KSR2: variants seen among roughly 807,000 people sequenced by gnomAD.
KSR2 encodes kinase suppressor of ras 2.
A neutral mutation model predicts 107.8 loss-of-function variants in KSR2; 25 were observed. That is an observed-to-expected ratio of 0.23 (90% CI 0.17 to 0.32). The LOEUF is 0.32. KSR2 is among the 10% of genes least tolerant of loss of function. The probability of loss-of-function intolerance (pLI) is 1.00; values close to 1 mark genes in which losing one functional copy is unlikely to be tolerated. For missense variants in KSR2, 887 were observed against 1,268.9 expected, an observed-to-expected ratio of 0.70 and a Z score of 4.57; for synonymous variants, 480 against 507.0, an observed-to-expected ratio of 0.95 and a Z score of 0.71.
chr12:117,809,130 A>G (rs1891108451), intron 3 of KSR2, among the ~76,000 whole-genome samples: 1 of 152,110 alleles, frequency 6.6e-6, no homozygotes, highest in South Asian at 2.1e-4. Context: ...AACTTCTACC[A>G]TATTCAGCTA....
rs377194435 is a variant in KSR2, at chr12:117,485,658, C to T, written c.2253G>A (p.Val751=). 207 of 1,613,624 alleles carry T rather than the reference C, an allele frequency of 1.3e-4. No individual in the cohort carries two copies. The African/African-American group carries it at 2.4e-3, about 19-fold the overall frequency. The change falls in exon 15 of 20, where the codon GTG becomes GTA. Residue 751 remains valine (V), a synonymous_variant. Coordinates refer to ENST00000339824, the MANE Select transcript of KSR2 (RefSeq NM_173598.6). ...LCKGRTLYSV[V]RDAKIVLDVN... The stretch of plus-strand genomic sequence containing the variant: ...CATCCAAAACGATTTTGGCATCCCT[C>T]ACAACGGAATAGAGCGTCCGTCCCT...
intron 1 of KSR2, among the ~76,000 whole-genome samples, chr12:117,952,215 A>G (rs548726614): frequency 5.9e-5 from 9 of 152,158 alleles, no homozygotes; most frequent in Non-Finnish European, 1.0e-4. Flanking sequence ...CCACACACAC[A>G]GCAACTGTGA....
rs1239624349 is a variant in KSR2 at position 117,554,675 on chromosome 12, CTT to C, written c.1518+492_1518+493del. ...GGGAGTTTCCCTGCATAAGCTCTCT[CTT>C]GTCTGCCACCATATAAGATGTGCCT... On this transcript the variant is annotated intron_variant, in intron 9 of 19. Coordinates refer to ENST00000339824, the MANE Select transcript of KSR2 (RefSeq NM_173598.6). 3.9e-5 allele frequency among the ~76,000 whole-genome samples: 6 copies of C among 152,194 alleles called. No individual in the cohort carries two copies. The East Asian group carries it at 1.2e-3, about 29-fold the overall frequency.
chr12:117,848,373 A>G (rs571070039), intron 3 of KSR2, among the ~76,000 whole-genome samples: 1 of 152,308 alleles, frequency 6.6e-6, no homozygotes, highest in African/African-American at 2.4e-5. Flanking sequence ...GGAGGTGGAG[A>G]CAAATGGTGA....
At chr12:117,485,985 A>G (rs867328433) in intron 14 of KSR2, among the ~76,000 whole-genome samples, 10 of 152,338 alleles carry the variant, frequency 6.6e-5, no homozygotes, top group East Asian at 1.9e-4. Flanking sequence ...CCAGAGGCTC[A>G]CAGGTGGAAA....
At chr12:117,960,130 G>T (rs1896618481) in intron 1 of KSR2, among the ~76,000 whole-genome samples, 1 of 151,688 alleles carries the variant, frequency 6.6e-6, no homozygotes. Context: ...TGTTCCCTCT[G>T]CCTGGCACAC....
chr12:117,896,986 GAC>G (rs1215732188), intron 1 of KSR2, among the ~76,000 whole-genome samples: 1 of 152,138 alleles, frequency 6.6e-6, no homozygotes, highest in Non-Finnish European at 1.5e-5. Flanking sequence ...GGAAAAGCCT[GAC>G]AAGACAGGTG....
intron 5 of KSR2, among the ~76,000 whole-genome samples, chr12:117,666,046 C>T (rs989335015): frequency 5.3e-5 from 8 of 152,160 alleles, no homozygotes; most frequent in Non-Finnish European, 5.9e-5. Flanking sequence ...ATAAATTGGC[C>T]TTCTGGTATG....
intron 1 of KSR2, among the ~76,000 whole-genome samples, chr12:117,912,851 C>T (rs1425626008): frequency 6.6e-6 from 1 of 152,072 alleles, no homozygotes; most frequent in African/African-American, 2.4e-5. Context: ...TTTAGGAAGA[C>T]GGCAAGTAGG....
chr12:117,492,710 G>A (rs1872809952), intron 14 of KSR2, among the ~76,000 whole-genome samples: 1 of 152,172 alleles, frequency 6.6e-6, no homozygotes, highest in Non-Finnish European at 1.5e-5. Context: ...GATTAGCCAG[G>A]CGGGCCAGAT....
Position 117,453,042 on chromosome 12 carries a change from A to G in KSR2, c.*14157T>C, listed in dbSNP as rs1050973373. On this transcript the variant is annotated 3_prime_UTR_variant, in exon 20 of 20. Coordinates refer to ENST00000339824, the MANE Select transcript of KSR2 (RefSeq NM_173598.6). ...TAGAATTCAGACCTGTCTTGGCAGT[A>G]GTGCAATGCAGTAATTCTCAAATTT... The G allele has an allele frequency of 6.6e-6, 1 of 152,652 alleles. No individual in the cohort carries two copies. The highest frequency in any genetic ancestry group is 6.5e-5 in the Admixed American group (1 of 15,282). The allele number at this position is 152,652 out of a possible 1,614,324, so 9.5% of individuals were successfully genotyped here.
chr12:117,735,419 TTA>T (rs1221209780), intron 4 of KSR2, among the ~76,000 whole-genome samples: 4 of 152,058 alleles, frequency 2.6e-5, no homozygotes, highest in Non-Finnish European at 5.9e-5. Context: ...CTCAACACGA[TTA>T]TCACAAAGAA....
chr12:117,942,303 T>G (rs868042575), intron 1 of KSR2, among the ~76,000 whole-genome samples: 1 of 152,258 alleles, frequency 6.6e-6, no homozygotes, highest in African/African-American at 2.4e-5. Flanking sequence ...GTCAGCCTAC[T>G]GCGCTATCAA....
rs560114503 is a variant in KSR2 at position 117,466,577 on chromosome 12, G to A, written c.*622C>T. On this transcript the variant is annotated 3_prime_UTR_variant, in exon 20 of 20. Coordinates refer to ENST00000339824, the MANE Select transcript of KSR2 (RefSeq NM_173598.6). The stretch of plus-strand genomic sequence containing the variant: ...AGGTGCCACACGCCATGACAGGCTC[G>A]GGTTGGGGTGTCTGAAAACAGATAT... 3 of 152,474 alleles carry A rather than the reference G, an allele frequency of 2.0e-5. No individual in the cohort carries two copies. Among genetic ancestry groups the A allele is most frequent in the Middle Eastern group, 3.4e-3 (1 of 292 alleles). The allele number at this position is 152,474 out of a possible 1,614,324, so 9.4% of individuals were successfully genotyped here.
intron 1 of KSR2, among the ~76,000 whole-genome samples, chr12:117,951,753 G>A (rs1242424336): frequency 6.6e-6 from 1 of 152,110 alleles, no homozygotes; most frequent in Non-Finnish European, 1.5e-5. Context: ...CTAAAGGAGG[G>A]ACTGGCCTCA....
chr12:117,917,072 A>C (rs1593367126), intron 1 of KSR2, among the ~76,000 whole-genome samples: 1 of 152,180 alleles, frequency 6.6e-6, no homozygotes, highest in African/African-American at 2.4e-5. Context: ...ACCTTTACCC[A>C]TGAGATGCTA....
chr12:117,527,937 G>A (rs1314702909), intron 12 of KSR2, among the ~76,000 whole-genome samples: 1 of 147,542 alleles, frequency 6.8e-6, no homozygotes, highest in Non-Finnish European at 1.5e-5. Context: ...ACCATATTGA[G>A]CTGGAAGACA....
chr12:117,672,899 G>A (rs1314013377), intron 4 of KSR2, among the ~76,000 whole-genome samples: 1 of 152,228 alleles, frequency 6.6e-6, no homozygotes, highest in Non-Finnish European at 1.5e-5. Flanking sequence ...AAAGTGCTGG[G>A]ATTACAGGCG....
intron 3 of KSR2, among the ~76,000 whole-genome samples, chr12:117,829,771 T>G (rs1392355182): frequency 6.6e-6 from 1 of 152,222 alleles, no homozygotes; most frequent in East Asian, 1.9e-4. Flanking sequence ...CATGATTAGA[T>G]GTGACTGTGT....
Sources: allele counts gnomAD v4.1 joint callset (sites outside exome capture counted in the v4.1 genomes callset), GRCh38; gene constraint gnomAD v4.1.1; transcripts MANE v1.5; gene names NCBI Gene and HGNC (gene_info 2026-07-23, HGNC 2026-07-21).